The following CFAP61 variants were observed in gnomAD, a reference collection of about 807,000 sequenced individuals.
CFAP61 encodes the protein cilia and flagella associated protein 61.
CFAP61 carries 107 observed loss-of-function variants against 135.6 expected under a neutral mutation model. That is an observed-to-expected ratio of 0.79 (90% CI 0.67 to 0.93). CFAP61 has a LOEUF of 0.93. Ranked by LOEUF, CFAP61 falls within the 40% of genes least tolerant of loss-of-function variation. The pLI is 0.00. For missense variants in CFAP61, 1,507 were observed against 1,556.2 expected, an observed-to-expected ratio of 0.97 and a Z score of 0.53; for synonymous variants, 575 against 578.5, an observed-to-expected ratio of 0.99 and a Z score of 0.09.
At chr20:20,105,303 C>T (rs371499688) in intron 8 of CFAP61, among the ~76,000 whole-genome samples, 1 of 152,148 alleles carries the variant, frequency 6.6e-6, no homozygotes, top group East Asian at 1.9e-4. Flanking sequence ...GGCTTCTGTG[C>T]CCTGGTCACC....
chr20:20,191,113 CA>C (rs759822979), intron 14 of CFAP61, among the ~76,000 whole-genome samples: 12 of 151,416 alleles, frequency 7.9e-5, no homozygotes, highest in African/African-American at 2.2e-4. Flanking sequence ...AACTCCATCT[CA>C]AAAAAAATAA....
intron 18 of CFAP61, among the ~76,000 whole-genome samples, chr20:20,233,128 C>G (rs930358425): frequency 6.6e-6 from 1 of 152,204 alleles, no homozygotes; most frequent in Non-Finnish European, 1.5e-5. Context: ...GTTATCGGGC[C>G]GTGCAGTTCC....
At chr20:20,075,926 G>T (rs1441789673) in intron 6 of CFAP61, among the ~76,000 whole-genome samples, 1 of 152,038 alleles carries the variant, frequency 6.6e-6, no homozygotes, top group African/African-American at 2.4e-5. Flanking sequence ...GCTTAAAAAT[G>T]AACCTGCCTA....
chr20:20,110,115 C>G (rs2048700520), intron 8 of CFAP61, among the ~76,000 whole-genome samples: 1 of 151,930 alleles, frequency 6.6e-6, no homozygotes, highest in Non-Finnish European at 1.5e-5. Flanking sequence ...ACCGTGTTGG[C>G]CAGGCTGGTC....
chr20:20,255,964 G>C (rs954037233), intron 20 of CFAP61, among the ~76,000 whole-genome samples: 1 of 152,184 alleles, frequency 6.6e-6, no homozygotes. Context: ...GTCGCTCCTG[G>C]AGTCCTGAGG....
At chr20:20,079,935 C>T (rs2046318860) in intron 6 of CFAP61, among the ~76,000 whole-genome samples, 1 of 152,104 alleles carries the variant, frequency 6.6e-6, no homozygotes, top group African/African-American at 2.4e-5. Context: ...ATAGACCCTC[C>T]TGTCCTTCAG....
At chr20:20,282,102 C>T (rs1447177434) in intron 22 of CFAP61, among the ~76,000 whole-genome samples, 2 of 151,936 alleles carry the variant, frequency 1.3e-5, no homozygotes, top group Non-Finnish European at 2.9e-5. Context: ...GTAGTAATAA[C>T]CCCTCATTTA....
chr20:20,285,689 A>G (rs1221929564), intron 22 of CFAP61, among the ~76,000 whole-genome samples: 1 of 152,120 alleles, frequency 6.6e-6, no homozygotes, highest in Non-Finnish European at 1.5e-5. Context: ...AGGCCAAGGT[A>G]GGTGGATGGC....
intron 22 of CFAP61, among the ~76,000 whole-genome samples, chr20:20,282,041 G>A (rs983261257): frequency 1.3e-5 from 2 of 151,918 alleles, no homozygotes; most frequent in Non-Finnish European, 2.9e-5. Flanking sequence ...AAATTTGTTG[G>A]CATTAAGTTT....
At chr20:20,075,123 C>A in intron 4 of CFAP61, 66 bp from the exon 5 acceptor site, 1 of 1,444,458 alleles carries the variant, frequency 6.9e-7, no homozygotes, top group Non-Finnish European at 9.8e-7. Context: ...CATTTGTCTT[C>A]ATCAAGTGCC....
At chr20:20,141,929 C>T (rs1218956287) in intron 8 of CFAP61, among the ~76,000 whole-genome samples, 1 of 152,108 alleles carries the variant, frequency 6.6e-6, no homozygotes, top group East Asian at 1.9e-4. Flanking sequence ...GGCAGCGCTT[C>T]TGAGGAGGGG....
intron 17 of CFAP61, among the ~76,000 whole-genome samples, chr20:20,201,662 C>T (rs906243957): frequency 6.6e-6 from 1 of 152,178 alleles, no homozygotes; most frequent in African/African-American, 2.4e-5. Context: ...CTGTCTCCAC[C>T]ACTGAAACAC....
At chr20:20,294,311 C>T (rs143575969) in intron 24 of CFAP61, among the ~76,000 whole-genome samples, 2 of 152,174 alleles carry the variant, frequency 1.3e-5, no homozygotes, top group African/African-American at 4.8e-5. Flanking sequence ...ATAGGAGTGG[C>T]CTGCACTACA....
At chr20:20,240,540 C>A (rs1255837863) in intron 18 of CFAP61, among the ~76,000 whole-genome samples, 4 of 152,080 alleles carry the variant, frequency 2.6e-5, no homozygotes, top group South Asian at 4.2e-4. Context: ...TACACAGCTG[C>A]CTTCATTCAG....
At chr20:20,260,635 G>T (rs1035163092) in intron 20 of CFAP61, among the ~76,000 whole-genome samples, 1 of 152,208 alleles carries the variant, frequency 6.6e-6, no homozygotes, top group Non-Finnish European at 1.5e-5. Flanking sequence ...TTTCAAGATT[G>T]TAGTGAGCTA....
intron 17 of CFAP61, among the ~76,000 whole-genome samples, chr20:20,219,539 T>C (rs570107664): frequency 4.2e-4 from 64 of 152,322 alleles, no homozygotes; most frequent in African/African-American, 1.4e-3. Flanking sequence ...ATTTATGATA[T>C]GGATTGGAAA....
At chr20:20,278,334 A>G (rs1168655553) in intron 22 of CFAP61, among the ~76,000 whole-genome samples, 1 of 152,200 alleles carries the variant, frequency 6.6e-6, no homozygotes, top group African/African-American at 2.4e-5. Context: ...GGCAATGTGT[A>G]TAGAGAGAGC....
At chr20:20,176,622 C>T (rs538141806) in intron 13 of CFAP61, among the ~76,000 whole-genome samples, 56 of 152,210 alleles carry the variant, frequency 3.7e-4, no homozygotes, top group Non-Finnish European at 6.8e-4. Flanking sequence ...AACCAAACAC[C>T]GCACGTTCTC....
chr20:20,104,279 A>G (rs1412948457), intron 8 of CFAP61, among the ~76,000 whole-genome samples: 1 of 152,068 alleles, frequency 6.6e-6, no homozygotes, highest in African/African-American at 2.4e-5. Flanking sequence ...TCCTGCTGTC[A>G]GGAAATGTCT....
Sources: gnomAD v4.1 joint callset for allele counts (sites outside exome capture counted in the v4.1 genomes callset) on GRCh38, gnomAD v4.1.1 for gene constraint, MANE v1.5 for transcripts, NCBI Gene and HGNC (gene_info 2026-07-23, HGNC 2026-07-21) for gene names.